The following ITGA9 variants were observed in gnomAD, a reference collection of about 807,000 sequenced individuals.
The protein encoded by ITGA9 is integrin alpha-9.
In ITGA9, 56 loss-of-function variants were observed where a neutral mutation model predicts 127.8. The observed-to-expected ratio is 0.44, with a 90% CI of 0.35 to 0.55. ITGA9 has a LOEUF of 0.55. Ranked by LOEUF, ITGA9 falls within the 20% of genes least tolerant of loss-of-function variation. The pLI, the probability that ITGA9 is intolerant of heterozygous loss-of-function variation, is 0.00. For missense variants in ITGA9, 1,196 were observed against 1,347.1 expected (o/e 0.89, Z 1.76); for synonymous variants, 508 against 514.5 (o/e 0.99, Z 0.17).
At chr3:37,526,407 A>T (rs1480224115) in intron 13 of ITGA9, among the ~76,000 whole-genome samples, 1 of 152,156 alleles carries the variant, frequency 6.6e-6, no homozygotes, top group African/African-American at 2.4e-5. Context: ...AACCTTCCAT[A>T]ATGTGCCATA....
intron 27 of ITGA9, among the ~76,000 whole-genome samples, chr3:37,812,502 A>C (rs931388549): frequency 3.9e-5 from 6 of 152,230 alleles, no homozygotes; most frequent in Non-Finnish European, 5.9e-5. Flanking sequence ...GTCAGGCCTC[A>C]TGCCTCACGC....
At chr3:37,782,119 G>A (rs971803720) in intron 25 of ITGA9, among the ~76,000 whole-genome samples, 1 of 152,236 alleles carries the variant, frequency 6.6e-6, no homozygotes, top group Non-Finnish European at 1.5e-5. Flanking sequence ...TTCCTGAAAT[G>A]TGTCCGCAGG....
chr3:37,550,874 T>C (rs1207320370), intron 15 of ITGA9, among the ~76,000 whole-genome samples: 4 of 152,186 alleles, frequency 2.6e-5, no homozygotes, highest in African/African-American at 9.7e-5. Context: ...TTTGTTGTTA[T>C]TGTTGTTTTT....
Position 37,471,020 on chromosome 3 carries a change from G to T in ITGA9, c.199G>T (p.Ala67Ser), listed in dbSNP as rs374110267. The stretch of plus-strand genomic sequence containing the variant: ...CTCTTGCTGCAGGGTCCTTGTGGGC[G>T]CACCAAAGGCAGATTCCAAATACAG... ...HDNTRWVLVG[A>S]PKADSKYSPS... The change falls in exon 2 of 28, where the codon GCA becomes TCA. Residue 67 changes from alanine to serine, a missense_variant. By Grantham distance (99) the Ala-to-Ser change is moderately conservative. Coordinates refer to ENST00000264741, the MANE Select transcript of ITGA9 (RefSeq NM_002207.3). 7 of 1,613,872 alleles carry T rather than the reference G, an allele frequency of 4.3e-6. No homozygotes were observed. The highest frequency in any genetic ancestry group is 1.3e-5 in the African/African-American group (1 of 74,884).
At position 37,506,057 on chromosome 3, in the gene ITGA9, G is replaced by T; in HGVS notation, c.800G>T (p.Gly267Val). Residue 267 changes from glycine (G) to valine (V), a missense_variant, in exon 7 of 28, where the codon GGT (glycine) becomes GTT (valine). Coordinates refer to ENST00000264741, the MANE Select transcript of ITGA9 (RefSeq NM_002207.3). The part of the protein sequence containing the change: ...SHPSTIDVVG[G>V]APQDKGIGKV... Reference sequence around the variant, plus strand: ...CCGTCCACCATTGATGTGGTAGGAGGTGCCCCACAGGACAAAGGCATCGGC... The same window carrying T: ...CCGTCCACCATTGATGTGGTAGGAGTTGCCCCACAGGACAAAGGCATCGGC... 6.2e-7 allele frequency: 1 copy of T among 1,610,376 alleles called. No homozygotes were observed. The highest frequency in any genetic ancestry group is 8.5e-7 in the Non-Finnish European group (1 of 1,178,518).
At chr3:37,669,194 G>A (rs1700613771) in intron 17 of ITGA9, among the ~76,000 whole-genome samples, 2 of 152,228 alleles carry the variant, frequency 1.3e-5, no homozygotes, top group Admixed American at 6.5e-5. Flanking sequence ...CTGTGCAGGT[G>A]CACTGCTCCC....
intron 10 of ITGA9, among the ~76,000 whole-genome samples, chr3:37,518,093 C>CGTGTGTGTGTGTGTGTGT (rs55842055): frequency 0.15 from 21,351 of 143,874 alleles, 2,177 homozygotes; most frequent in East Asian, 0.45. Flanking sequence ...AGAGTGTACG[C>CGTGTGTGTGTGTGTGTGT]GTGTGTGTGT....
chr3:37,772,168 G>A (rs774406919), intron 23 of ITGA9, among the ~76,000 whole-genome samples: 10 of 152,240 alleles, frequency 6.6e-5, no homozygotes, highest in African/African-American at 2.4e-4. Context: ...CACTTTGGGA[G>A]GCCAAGGCAG....
At chr3:37,549,523 G>A (rs1699360055) in intron 15 of ITGA9, among the ~76,000 whole-genome samples, 2 of 152,196 alleles carry the variant, frequency 1.3e-5, no homozygotes, top group South Asian at 4.1e-4. Flanking sequence ...TCTATTTACA[G>A]TTATTCATTT....
At chr3:37,723,796 C>T (rs1701216957) in intron 18 of ITGA9, among the ~76,000 whole-genome samples, 1 of 152,226 alleles carries the variant, frequency 6.6e-6, no homozygotes, top group Non-Finnish European at 1.5e-5. Flanking sequence ...GGGCAGCGGT[C>T]AGTGAATAGC....
intron 5 of ITGA9, among the ~76,000 whole-genome samples, 161 bp from the exon 6 acceptor site, chr3:37,503,017 T>G (rs1383374903): frequency 6.6e-6 from 1 of 152,198 alleles, no homozygotes; most frequent in African/African-American, 2.4e-5. Context: ...GATTCCATAA[T>G]GCTGATGAAT....
At chr3:37,508,062 A>T (rs1035156273) in intron 7 of ITGA9, among the ~76,000 whole-genome samples, 7 of 152,228 alleles carry the variant, frequency 4.6e-5, no homozygotes, top group African/African-American at 1.7e-4. Context: ...TTACCCAGGC[A>T]GATCACATGA....
At chr3:37,788,145 T>C (rs1697063644) in intron 26 of ITGA9, among the ~76,000 whole-genome samples, 1 of 152,244 alleles carries the variant, frequency 6.6e-6, no homozygotes, top group Admixed American at 6.5e-5. Context: ...AAATGCCTCA[T>C]TCTGTTATCA....
At chr3:37,752,273 A>G (rs1009956279) in intron 23 of ITGA9, among the ~76,000 whole-genome samples, 1 of 152,170 alleles carries the variant, frequency 6.6e-6, no homozygotes, top group Non-Finnish European at 1.5e-5. Flanking sequence ...CAGGGCTTTC[A>G]TTCTGGGGAT....
rs532012734 is a variant in ITGA9, at chr3:37,579,234, C to T, written c.1689+36649C>T. Among the ~76,000 whole-genome samples, 6 of 152,288 alleles carry T rather than the reference C, an allele frequency of 3.9e-5. No homozygotes were observed. In the South Asian group the frequency reaches 1.2e-3, roughly 32 times the overall value. On this transcript the variant is annotated intron_variant, in intron 15 of 27. Coordinates refer to ENST00000264741, the MANE Select transcript of ITGA9 (RefSeq NM_002207.3). Reference sequence around the variant, plus strand: ...AGCAGAAAACCCAAATAAGTTTATGCAGTAGAGGTTTATTCTCACACCGAA... The same window carrying T: ...AGCAGAAAACCCAAATAAGTTTATGTAGTAGAGGTTTATTCTCACACCGAA...
At chr3:37,583,414 C>T (rs1222957775) in intron 15 of ITGA9, among the ~76,000 whole-genome samples, 1 of 20,630 alleles carries the variant, frequency 4.8e-5, no homozygotes, top group Non-Finnish European at 1.1e-4. Flanking sequence ...TCATCAGCAT[C>T]ATCATCATCA....
chr3:37,686,844 C>A (rs1316612316), intron 18 of ITGA9, among the ~76,000 whole-genome samples: 2 of 152,114 alleles, frequency 1.3e-5, no homozygotes, highest in Non-Finnish European at 2.9e-5. Context: ...AGGACTCCAG[C>A]CACGCTGCAA....
At chr3:37,778,137 T>C (rs1394139479) in intron 24 of ITGA9, among the ~76,000 whole-genome samples, 1 of 152,202 alleles carries the variant, frequency 6.6e-6, no homozygotes, top group Non-Finnish European at 1.5e-5. Flanking sequence ...AAAAGCCACA[T>C]ATTGTAATAT....
intron 6 of ITGA9, 75 bp downstream of exon 6, chr3:37,503,382 T>C: frequency 6.5e-7 from 1 of 1,547,748 alleles, no homozygotes. Context: ...AATTATTGCT[T>C]CATTGTTGGA....
Sources: gnomAD v4.1 joint callset for allele counts (sites outside exome capture counted in the v4.1 genomes callset) on GRCh38, gnomAD v4.1.1 for gene constraint, MANE v1.5 for transcripts, NCBI Gene and HGNC (gene_info 2026-07-23, HGNC 2026-07-21) for gene names.